Variants in LIPJ observed in about 807,000 individuals in gnomAD.
LIPJ encodes the protein lipase member J.
A neutral mutation model predicts 39.8 loss-of-function variants in LIPJ; 33 were observed. The observed-to-expected ratio is 0.83, with a 90% CI of 0.63 to 1.11. The LOEUF is 1.11. Among genes scored for constraint, LIPJ ranks in the 50% least tolerant of loss-of-function variants. The pLI, the probability that LIPJ is intolerant of heterozygous loss-of-function variation, is 0.00. For missense variants in LIPJ, 422 were observed against 427.9 expected, an observed-to-expected ratio of 0.99 and a Z score of 0.12; for synonymous variants, 128 against 139.2, an observed-to-expected ratio of 0.92 and a Z score of 0.57.
At chr10:88,606,763 C>T (rs751360531) in exon 11 of LIPJ, 11 of 1,613,160 alleles carry the variant, frequency 6.8e-6, no homozygotes, top group East Asian at 6.7e-5. Context: ...ACCCTGAAGA[C>T]GTTAACATTT....
exon 11 of LIPJ, chr10:88,606,861 A>T: frequency 3.1e-6 from 5 of 1,597,114 alleles, no homozygotes; most frequent in Non-Finnish European, 4.3e-6. Flanking sequence ...GATGTCTATG[A>T]TCAAGTTTAC....
chr10:88,583,115 CG>C (rs1237970296), upstream of LIPJ: 4 of 1,614,118 alleles, frequency 2.5e-6, no homozygotes, highest in East Asian at 8.9e-5. Flanking sequence ...TACAAGGGAC[CG>C]GACGTCTGCC....
chr10:88,583,098 A>G (rs138933182), upstream of LIPJ: 38 of 1,613,918 alleles, frequency 2.4e-5, no homozygotes, highest in Non-Finnish European at 3.1e-5. Flanking sequence ...TGTCCCACAC[A>G]GCAAGGTACA....
At chr10:88,598,643 A>G (rs377102784) in intron 8 of LIPJ, among the ~76,000 whole-genome samples, 87 of 152,004 alleles carry the variant, frequency 5.7e-4, no homozygotes, top group African/African-American at 2.0e-3. Flanking sequence ...AACATTTCAT[A>G]TTGCTCACAG....
At chr10:88,603,016 C>T (rs1170581926) in intron 9 of LIPJ, among the ~76,000 whole-genome samples, 2 of 152,014 alleles carry the variant, frequency 1.3e-5, no homozygotes, top group African/African-American at 2.4e-5. Context: ...CACTTGAACC[C>T]GGGAGGTGGA....
intron 8 of LIPJ, among the ~76,000 whole-genome samples, chr10:88,598,825 A>G (rs1467216293): frequency 6.6e-6 from 1 of 151,586 alleles, no homozygotes; most frequent in African/African-American, 2.4e-5. Context: ...ATTATATTGG[A>G]GCTTATTTCA....
downstream of LIPJ, among the ~76,000 whole-genome samples, chr10:88,607,141 T>A (rs1373892317): frequency 6.6e-6 from 1 of 152,098 alleles, no homozygotes; most frequent in Non-Finnish European, 1.5e-5. Context: ...AAAATAGAAT[T>A]TACATAACAT....
intron 9 of LIPJ, among the ~76,000 whole-genome samples, chr10:88,605,391 G>A (rs901722833): frequency 6.6e-6 from 1 of 152,112 alleles, no homozygotes; most frequent in Non-Finnish European, 1.5e-5. Flanking sequence ...GTAGAAAAAG[G>A]CCCTGGGTAT....
intron 9 of LIPJ, among the ~76,000 whole-genome samples, chr10:88,603,816 T>G (rs1463873053): frequency 6.6e-6 from 1 of 152,220 alleles, no homozygotes; most frequent in Non-Finnish European, 1.5e-5. Flanking sequence ...ATGTAATTGA[T>G]TTGATATAAA....
intron 5 of LIPJ, 89 bp downstream of exon 5, chr10:88,594,233 A>G (rs983143501): frequency 5.3e-6 from 5 of 938,134 alleles, no homozygotes; most frequent in East Asian, 2.6e-5. Flanking sequence ...AGGTCTTACT[A>G]TTTTCACAAT....
chr10:88,591,650 C>G, intron 4 of LIPJ, 152 bp downstream of exon 4: 1 of 565,878 alleles, frequency 1.8e-6, no homozygotes, highest in Non-Finnish European at 2.9e-6. Context: ...CAAGAAGAGT[C>G]ACACAAGAAG....
chr10:88,599,620 TTGA>T (rs1299853512), intron 8 of LIPJ, among the ~76,000 whole-genome samples: 17 of 151,852 alleles, frequency 1.1e-4, no homozygotes, highest in Admixed American at 1.1e-3. Context: ...TTTTCTATGG[TTGA>T]TTAATATTCC....
chr10:88,603,316 T>C (rs181966622), intron 9 of LIPJ, among the ~76,000 whole-genome samples: 23 of 152,284 alleles, frequency 1.5e-4, no homozygotes, highest in African/African-American at 5.3e-4. Flanking sequence ...ATGCCTACTC[T>C]GAAACGCTTT....
chr10:88,591,303 C>T (rs1851071666), intron 3 of LIPJ, 75 bp from the exon 4 acceptor site: 7 of 1,138,468 alleles, frequency 6.1e-6, no homozygotes, highest in East Asian at 4.9e-5. Flanking sequence ...TCACATAATG[C>T]GTTAGAAATG....
chr10:88,601,924 C>T (rs1310216892), intron 8 of LIPJ, among the ~76,000 whole-genome samples: 1 of 152,172 alleles, frequency 6.6e-6, no homozygotes, highest in East Asian at 1.9e-4. Context: ...CCTGAGGTCA[C>T]TTTGAGATCA....
downstream of LIPJ, among the ~76,000 whole-genome samples, chr10:88,611,118 C>CT (rs1450338527): frequency 4.6e-5 from 7 of 152,092 alleles, no homozygotes. Context: ...CAGTACCAGC[C>CT]TAGAGCCCAG....
intron 8 of LIPJ, among the ~76,000 whole-genome samples, chr10:88,598,239 G>C (rs1851328580): frequency 6.6e-6 from 1 of 151,952 alleles, no homozygotes; most frequent in South Asian, 2.1e-4. Flanking sequence ...TTTGCTTAGA[G>C]CCAGTATGAA....
Position 88,594,357 on chromosome 10 carries a change from A to T in LIPJ, c.329+213A>T. ...GTTTCAGCAATAATCTTTATTTCTT[A>T]CTTAGTACCTTACTGACCAACCCCA... On this transcript the variant is annotated intron_variant, in intron 5 of 10. Transcript: ENST00000371939. 1.5e-5 allele frequency: 8 copies of T among 544,014 alleles called. No homozygotes were observed. In the South Asian group the frequency reaches 1.9e-4, roughly 13 times the overall value. The allele number at this position is 544,014 out of a possible 1,614,324, so 33.7% of individuals were successfully genotyped here. A position where few individuals can be genotyped will look rare whatever the true frequency, so the allele number is the denominator to read the frequency against.
intron 4 of LIPJ, chr10:88,592,067 A>T (rs1851097647): frequency 6.6e-6 from 1 of 151,910 alleles, no homozygotes; most frequent in Admixed American, 6.6e-5. Flanking sequence ...AATTACCCAA[A>T]TAAAAGCCAA....
Sources: allele counts gnomAD v4.1 joint callset (sites outside exome capture counted in the v4.1 genomes callset), GRCh38; gene constraint gnomAD v4.1.1; transcripts MANE v1.5; gene names NCBI Gene and HGNC (gene_info 2026-07-23, HGNC 2026-07-21).